The following HPSE2 variants were observed in gnomAD, a reference collection of about 807,000 sequenced individuals.
The protein encoded by HPSE2 is heparanase 2 (inactive).
Under a neutral mutation model 60.5 loss-of-function variants are expected in HPSE2, and 38 were observed. That is an observed-to-expected ratio of 0.63 (90% CI 0.48 to 0.82). The LOEUF is 0.82. Among genes scored for constraint, HPSE2 ranks in the 40% least tolerant of loss-of-function variants. The pLI is 0.00. For missense variants in HPSE2, 713 were observed against 740.4 expected (o/e 0.96, Z 0.43); for synonymous variants, 295 against 293.2 (o/e 1.01, Z -0.06).
intron 6 of HPSE2, among the ~76,000 whole-genome samples, chr10:98,651,092 T>A (rs1170032671): frequency 6.6e-6 from 1 of 152,222 alleles, no homozygotes; most frequent in East Asian, 1.9e-4. Flanking sequence ...CATAGAGCTA[T>A]ACCTTCTTAA....
chr10:98,946,738 T>C (rs1236309699), intron 3 of HPSE2, among the ~76,000 whole-genome samples: 2 of 151,992 alleles, frequency 1.3e-5, no homozygotes, highest in Non-Finnish European at 2.9e-5. Context: ...TGTAAACAAA[T>C]GTAAAGAGGC....
chr10:99,153,590 A>T (rs1468380040), intron 2 of HPSE2, among the ~76,000 whole-genome samples: 1 of 151,778 alleles, frequency 6.6e-6, no homozygotes, highest in East Asian at 1.9e-4. Context: ...TCCACACCAA[A>T]AACCCATCTG....
chr10:99,056,963 G>C (rs1201105244), intron 3 of HPSE2, among the ~76,000 whole-genome samples: 1 of 152,088 alleles, frequency 6.6e-6, no homozygotes, highest in African/African-American at 2.4e-5. Context: ...AGAACGTTAG[G>C]TTAAGCTTAA....
chr10:98,983,941 G>C (rs866391319), intron 3 of HPSE2, among the ~76,000 whole-genome samples: 4 of 152,302 alleles, frequency 2.6e-5, no homozygotes, highest in Middle Eastern at 3.4e-3. Context: ...AGCCAGGCTC[G>C]GGGAGGGGCG....
intron 9 of HPSE2, among the ~76,000 whole-genome samples, chr10:98,521,529 G>A (rs1327603492): frequency 1.3e-5 from 2 of 152,176 alleles, no homozygotes; most frequent in African/African-American, 4.8e-5. Flanking sequence ...TTTTTACACT[G>A]CTGGTGGGAG....
In HPSE2 at chr10:98,485,120, A is replaced by T. The variant is rs894489703; in HGVS notation, c.1467-2338T>A. Among the ~76,000 whole-genome samples, 3 of 152,246 alleles carry T rather than the reference A, an allele frequency of 2.0e-5. No individual in the cohort carries two copies. The South Asian group carries it at 6.2e-4, about 32-fold the overall frequency. Reference sequence around the variant, plus strand: ...AGGACAGGTCAGTATGGTGACATGGAGTTTTTTATTTTTGTTTTTGTTTAG... The same window carrying T: ...AGGACAGGTCAGTATGGTGACATGGTGTTTTTTATTTTTGTTTTTGTTTAG... On this transcript the variant is annotated intron_variant, in intron 10 of 11. Transcript: ENST00000370552.
intron 3 of HPSE2, among the ~76,000 whole-genome samples, chr10:98,767,101 T>C (rs1950136727): frequency 6.6e-6 from 1 of 152,226 alleles, no homozygotes; most frequent in Non-Finnish European, 1.5e-5. Flanking sequence ...ACTTCTTTAG[T>C]TTGATAAATG....
chr10:98,939,906 C>T (rs1954937193), intron 3 of HPSE2, among the ~76,000 whole-genome samples: 1 of 143,772 alleles, frequency 7.0e-6, no homozygotes, highest in Non-Finnish European at 1.5e-5. Context: ...TGCAATCAAA[C>T]TAGAACTCAG....
intron 3 of HPSE2, among the ~76,000 whole-genome samples, chr10:98,873,690 C>A (rs1279187924): frequency 6.6e-6 from 1 of 151,994 alleles, no homozygotes; most frequent in East Asian, 1.9e-4. Context: ...GTGCATGTGT[C>A]TTTATAGTAG....
chr10:98,950,423 C>T lies in HPSE2; in HGVS notation c.610+193815G>A, dbSNP rs562303722. Among the ~76,000 whole-genome samples, 3 of 152,222 alleles carry T rather than the reference C, an allele frequency of 2.0e-5. No homozygotes were observed. The East Asian group carries it at 5.8e-4, about 29-fold the overall frequency. On this transcript the variant is annotated intron_variant, in intron 3 of 11. Transcript: ENST00000370552. ...GAAATATTAATAATAATGTATTTCA[C>T]AATCCAAGTGTTAGAGTCATTGAAA...
chr10:98,728,845 G>A (rs774339648), intron 4 of HPSE2, among the ~76,000 whole-genome samples: 9 of 151,594 alleles, frequency 5.9e-5, no homozygotes, highest in South Asian at 4.2e-4. Flanking sequence ...CCATGTCTAC[G>A]AAAAATTTTA....
At chr10:99,265,880 G>C in the HPSE2 span, among the ~76,000 whole-genome samples, 1 of 152,236 alleles carries the variant, frequency 6.6e-6, no homozygotes, top group Non-Finnish European at 1.5e-5. Context: ...TGAAGGTCTA[G>C]ATCACAGGAG....
At chr10:98,949,421 T>C (rs1057206453) in intron 3 of HPSE2, among the ~76,000 whole-genome samples, 5 of 149,332 alleles carry the variant, frequency 3.3e-5, no homozygotes, top group Admixed American at 2.6e-4. Flanking sequence ...CTTTCTCTGG[T>C]GGCAAAGTTG....
chr10:98,641,405 G>T (rs1027067921), intron 7 of HPSE2, among the ~76,000 whole-genome samples: 5 of 152,016 alleles, frequency 3.3e-5, no homozygotes, highest in Non-Finnish European at 7.4e-5. Flanking sequence ...TGGCCAGCAT[G>T]GTGAAACGCC....
chr10:99,275,845 G>A, the HPSE2 span, among the ~76,000 whole-genome samples: 1 of 152,174 alleles, frequency 6.6e-6, no homozygotes, highest in Non-Finnish European at 1.5e-5. Context: ...TAGGGCATGG[G>A]ACTGTAAGAG....
chr10:98,548,579 C>T (rs4370864), intron 9 of HPSE2, among the ~76,000 whole-genome samples: 129,020 of 151,382 alleles, frequency 0.85, 56,157 homozygotes, highest in East Asian at 1. Context: ...ATAGTGCCAC[C>T]GTACTCTAGC....
At chr10:99,154,811 T>C (rs955280335) in intron 2 of HPSE2, among the ~76,000 whole-genome samples, 61 of 151,980 alleles carry the variant, frequency 4.0e-4, no homozygotes, top group Admixed American at 1.5e-3. Context: ...GACTGGCAAA[T>C]TGGATAAAGA....
intron 3 of HPSE2, among the ~76,000 whole-genome samples, chr10:98,975,103 G>A (rs866767496): frequency 1.1e-4 from 17 of 152,124 alleles, no homozygotes; most frequent in Middle Eastern, 3.4e-3. Context: ...ATTTTCTTCC[G>A]CCTTATTTCC....
In HPSE2 at chr10:98,767,527, CTATATAT is replaced by C. The variant is rs149906753; in HGVS notation, c.611-23478_611-23472del. Among the ~76,000 whole-genome samples the C allele has an allele frequency of 7.6e-3, 1,108 of 146,510 alleles. 18 individuals are homozygous for C. Among genetic ancestry groups the C allele is most frequent in the African/African-American group, 0.025 (1,028 of 40,334 alleles). On this transcript the variant is annotated intron_variant, in intron 3 of 11. Coordinates refer to ENST00000370552, the MANE Select transcript of HPSE2 (RefSeq NM_021828.5). ...TGTTATGCATATTGCACTATATATA[CTATATAT>C]ATTATACTGTATATACATATATGTA...
Sources: allele counts gnomAD v4.1 joint callset (sites outside exome capture counted in the v4.1 genomes callset), GRCh38; gene constraint gnomAD v4.1.1; transcripts MANE v1.5; gene names NCBI Gene and HGNC (gene_info 2026-07-23, HGNC 2026-07-21).